Variants in MCF2L2 observed in about 807,000 individuals in gnomAD.
MCF2L2 encodes probable guanine nucleotide exchange factor MCF2L2.
In MCF2L2, 102 loss-of-function variants were observed where a neutral mutation model predicts 150.2. The observed-to-expected ratio is 0.68, with a 90% CI of 0.58 to 0.80. MCF2L2 has a LOEUF of 0.80. Among genes scored for constraint, MCF2L2 ranks in the 30% least tolerant of loss-of-function variants. MCF2L2 has a pLI of 0.00. For missense variants in MCF2L2, 1,256 were observed against 1,372.8 expected (o/e 0.91, Z 1.34); for synonymous variants, 465 against 491.3 (o/e 0.95, Z 0.71).
chr3:183,190,045 T>C (rs1468681137), intron 27 of MCF2L2, among the ~76,000 whole-genome samples: 1 of 152,180 alleles, frequency 6.6e-6, no homozygotes, highest in Non-Finnish European at 1.5e-5. Flanking sequence ...GCCCCCTGAT[T>C]CTGATCCTGT....
At chr3:183,205,796 C>T in intron 25 of MCF2L2, 80 bp downstream of exon 25, 1 of 1,052,740 alleles carries the variant, frequency 9.5e-7, no homozygotes. Flanking sequence ...TTTTCTTTCA[C>T]AATATCCCCA....
At chr3:183,319,145 T>G (rs1219580813) in intron 6 of MCF2L2, among the ~76,000 whole-genome samples, 1 of 152,242 alleles carries the variant, frequency 6.6e-6, no homozygotes, top group African/African-American at 2.4e-5. Context: ...GTAGACTAAG[T>G]TTATGGAATA....
intron 14 of MCF2L2, among the ~76,000 whole-genome samples, chr3:183,282,896 G>A (rs1727582647): frequency 1.3e-5 from 2 of 152,136 alleles, no homozygotes; most frequent in Non-Finnish European, 2.9e-5. Context: ...GCAGCCTCTG[G>A]GGCAGCATTA....
At chr3:183,272,750 A>T in intron 15 of MCF2L2, 1 of 1,064,004 alleles carries the variant, frequency 9.4e-7, no homozygotes. Flanking sequence ...TTATTAGTTG[A>T]TTGATTAATG....
rs574483403 is a variant in MCF2L2 at position 183,298,991 on chromosome 3, A to C, written c.1305+1014T>G. On this transcript the variant is annotated intron_variant, in intron 11 of 29. Coordinates refer to ENST00000328913, the MANE Select transcript of MCF2L2 (RefSeq NM_015078.4). ...CCTGGGTGGGTGCCCCCTGCCATGCAAGAGGAACAGCTGTGGGGATGGAGC... is the reference window on the plus strand; with the variant it reads ...CCTGGGTGGGTGCCCCCTGCCATGCCAGAGGAACAGCTGTGGGGATGGAGC... 2.0e-5 allele frequency: 3 copies of C among 152,418 alleles called. No homozygotes were observed. In the South Asian group the frequency reaches 6.2e-4, roughly 32 times the overall value. 9.4% of individuals were successfully genotyped at this position (152,418 alleles called of 1,614,324 possible).
Position 183,216,001 on chromosome 3 carries a change from C to A in MCF2L2, c.2464G>T (p.Ala822Ser). 1.9e-6 allele frequency: 3 copies of A among 1,613,920 alleles called. No individual in the cohort carries two copies. The highest frequency in any genetic ancestry group is 2.5e-6 in the Non-Finnish European group (3 of 1,179,870). ...TCAGTCACTGCTGCTAGGTCCACAG[C>A]CAACTCACAGGACTTGATCAAATCC... The part of the protein sequence containing the change: ...IEDLIKSCEL[A>S]VDLAAVTECP... The change falls in exon 22 of 30, where the codon GCT (alanine) becomes TCT (serine). Residue 822 changes from alanine to serine, a missense_variant. Coordinates refer to ENST00000328913, the MANE Select transcript of MCF2L2 (RefSeq NM_015078.4).
At chr3:183,389,127 G>T (rs1201069987) in intron 2 of MCF2L2, among the ~76,000 whole-genome samples, 1 of 152,202 alleles carries the variant, frequency 6.6e-6, no homozygotes, top group African/African-American at 2.4e-5. Flanking sequence ...CTTTGGCTGA[G>T]CGAATAAGAA....
At chr3:183,255,942 T>C (rs1725008481) in intron 15 of MCF2L2, among the ~76,000 whole-genome samples, 2 of 152,204 alleles carry the variant, frequency 1.3e-5, no homozygotes, top group Admixed American at 1.3e-4. Context: ...CTTGGTGACT[T>C]TCACATTGTA....
In MCF2L2 at chr3:183,305,557, G is replaced by C. The variant is rs1373326839; in HGVS notation, c.1113+4159C>G. On this transcript the variant is annotated intron_variant, in intron 10 of 29. Transcript: ENST00000328913. The surrounding 1 kb of genome is among the most constrained non-coding windows in gnomAD (Gnocchi z 4.1). ...GGGTCTAGGGAGAAACGCCCATAAA[G>C]GCAACTGAGGAGGCCGGGCGCAGTG... 6.6e-6 allele frequency among the ~76,000 whole-genome samples: 1 copy of C among 152,148 alleles called. No homozygotes were observed. Among genetic ancestry groups the C allele is most frequent in the African/African-American group, 2.4e-5 (1 of 41,432 alleles).
At chr3:183,347,725 C>T (rs1034507598) in intron 3 of MCF2L2, among the ~76,000 whole-genome samples, 1 of 152,060 alleles carries the variant, frequency 6.6e-6, no homozygotes, top group African/African-American at 2.4e-5. Flanking sequence ...ACAACCTCAT[C>T]AAAAAGTGGG....
intron 15 of MCF2L2, chr3:183,254,198 C>A (rs1346314297): frequency 6.6e-6 from 1 of 151,962 alleles, no homozygotes; most frequent in African/African-American, 2.4e-5. Flanking sequence ...TGAGGGCACG[C>A]CGGCCCTCGC....
At chr3:183,234,687 CT>C (rs71185647) in intron 15 of MCF2L2, among the ~76,000 whole-genome samples, 15,850 of 84,556 alleles carry the variant, frequency 0.19, 854 homozygotes, top group Admixed American at 0.22. Context: ...ATGTATGACT[CT>C]TTTTTTTTTT....
At chr3:183,374,373 A>T (rs1392267455) in intron 3 of MCF2L2, 1 of 152,376 alleles carries the variant, frequency 6.6e-6, no homozygotes, top group Non-Finnish European at 1.5e-5. Context: ...GTTAGATAGA[A>T]ATAGAAGCCA....
chr3:183,368,168 C>T (rs916201231), intron 3 of MCF2L2, among the ~76,000 whole-genome samples: 3 of 152,172 alleles, frequency 2.0e-5, no homozygotes, highest in Admixed American at 6.5e-5. Context: ...CTCTTGGGAA[C>T]TTGTTTGAAA....
intron 3 of MCF2L2, among the ~76,000 whole-genome samples, chr3:183,362,496 T>A (rs1050042006): frequency 2.6e-5 from 4 of 151,912 alleles, no homozygotes. Context: ...CAAAGAGGCA[T>A]TCTTGGAAAG....
intron 20 of MCF2L2, among the ~76,000 whole-genome samples, chr3:183,221,298 A>G (rs1172600470): frequency 2.0e-5 from 3 of 152,172 alleles, no homozygotes; most frequent in Non-Finnish European, 4.4e-5. Context: ...GCAGCTAACA[A>G]AACCTTCTAA....
chr3:183,398,859 G>C (rs973435678), intron 1 of MCF2L2, among the ~76,000 whole-genome samples: 1 of 152,044 alleles, frequency 6.6e-6, no homozygotes, highest in Non-Finnish European at 1.5e-5. Context: ...AGAATAAAAT[G>C]ACTGACAGCT....
At chr3:183,389,375 T>C (rs1157962571) in intron 2 of MCF2L2, among the ~76,000 whole-genome samples, 2 of 152,186 alleles carry the variant, frequency 1.3e-5, no homozygotes, top group African/African-American at 2.4e-5. Flanking sequence ...CAAAGGAACA[T>C]TGGAAGAACA....
intron 21 of MCF2L2, 53 bp from the exon 22 acceptor site, chr3:183,216,147 G>C (rs907585106): frequency 5.6e-6 from 9 of 1,595,366 alleles, no homozygotes; most frequent in Non-Finnish European, 6.8e-6. Flanking sequence ...TCTGCAAAGT[G>C]AAGAAGGAAA....
Sources: allele counts gnomAD v4.1 joint callset (sites outside exome capture counted in the v4.1 genomes callset), GRCh38; gene constraint gnomAD v4.1.1; non-coding constraint Gnocchi (gnomAD v3.1); transcripts MANE v1.5; gene names NCBI Gene and HGNC (gene_info 2026-07-23, HGNC 2026-07-21).